The following NFILZ variants were observed in gnomAD, a reference collection of about 807,000 sequenced individuals.
The protein encoded by NFILZ is NFIL3 like protein.
At chr19:8,659,269 A>T (rs909019894) in intron 3 of NFILZ, among the ~76,000 whole-genome samples, 2 of 152,178 alleles carry the variant, frequency 1.3e-5, no homozygotes, top group African/African-American at 2.4e-5. Flanking sequence ...ATTTTTTTTT[A>T]AAAAGAAAGA....
chr19:8,678,072 C>T lies in NFILZ; in HGVS notation c.*437C>T, dbSNP rs2043121898. 3.9e-4 allele frequency among the ~76,000 whole-genome samples: 7 copies of T among 18,108 alleles called. No homozygotes were observed. The highest frequency in any genetic ancestry group is 1.1e-3 in the Admixed American group (2 of 1,880). The allele number at this position is 18,108 out of a possible 152,430, so 11.9% of individuals were successfully genotyped here. ...TCCATCCACCCATCTATTCATCCAT[C>T]CATCAATCCATCCATCCATTCCATC... is the stretch of plus-strand genomic sequence containing the variant. On this transcript the variant is annotated 3_prime_UTR_variant, in exon 6 of 6. Coordinates refer to ENST00000691075, the MANE Select transcript of NFILZ (RefSeq NM_001378600.1).
chr19:8,671,414 T>C (rs1232920502), intron 3 of NFILZ, among the ~76,000 whole-genome samples: 1 of 150,288 alleles, frequency 6.7e-6, no homozygotes, highest in Non-Finnish European at 1.5e-5. Flanking sequence ...GGGGCGGTGG[T>C]TAGGGGGGTT....
chr19:8,656,355 C>CCTGAAGCCCACCTTCTCT (rs2042997172), intron 3 of NFILZ, among the ~76,000 whole-genome samples: 26 of 74,782 alleles, frequency 3.5e-4, no homozygotes, highest in Non-Finnish European at 5.4e-4. Context: ...CCACCTCTTC[C>CCTGAAGCCCACCTTCTCT]CTGAAGCCCA....
intron 3 of NFILZ, among the ~76,000 whole-genome samples, chr19:8,666,051 T>G (rs1465306701): frequency 6.6e-6 from 1 of 151,998 alleles, no homozygotes; most frequent in Non-Finnish European, 1.5e-5. Context: ...TCACCTTTTT[T>G]TTTTTGTCCT....
intron 3 of NFILZ, among the ~76,000 whole-genome samples, chr19:8,657,637 A>C (rs1555748645): frequency 1.3e-5 from 2 of 152,072 alleles, no homozygotes. Flanking sequence ...CTCTCACTGT[A>C]AATCTCTCTC....
intron 3 of NFILZ, among the ~76,000 whole-genome samples, chr19:8,663,333 G>C (rs1017671174): frequency 5.3e-5 from 8 of 151,610 alleles, no homozygotes; most frequent in Admixed American, 4.6e-4. Context: ...AGAAAAAGAG[G>C]AGCAGAGGAC....
intron 3 of NFILZ, among the ~76,000 whole-genome samples, chr19:8,657,240 G>A (rs1394888434): frequency 2.0e-5 from 3 of 151,764 alleles, no homozygotes; most frequent in African/African-American, 7.3e-5. Flanking sequence ...CTGAGTAGCT[G>A]GGGTTACAGG....
chr19:8,669,243 CCA>C (rs1262236690), intron 3 of NFILZ, among the ~76,000 whole-genome samples: 1 of 152,178 alleles, frequency 6.6e-6, no homozygotes, highest in Admixed American at 6.5e-5. Flanking sequence ...CCAAGCCTGG[CCA>C]AGAGAGGATT....
chr19:8,636,969 G>A (rs529001443), intron 3 of NFILZ, among the ~76,000 whole-genome samples: 8 of 152,234 alleles, frequency 5.3e-5, no homozygotes, highest in African/African-American at 1.7e-4. Context: ...GATAGAGCTG[G>A]GGCCAAGGGG....
chr19:8,675,054 T>A (rs781945101), intron 4 of NFILZ, among the ~76,000 whole-genome samples: 1 of 152,160 alleles, frequency 6.6e-6, no homozygotes, highest in Non-Finnish European at 1.5e-5. Context: ...ATTCATTAAG[T>A]CATTAATTCA....
chr19:8,637,289 G>C (rs1356019805), intron 3 of NFILZ, among the ~76,000 whole-genome samples: 1 of 151,954 alleles, frequency 6.6e-6, no homozygotes, highest in East Asian at 1.9e-4. Context: ...AGATTGTAGT[G>C]AGCTGAGATC....
chr19:8,633,005 GA>G lies in NFILZ; in HGVS notation c.-261+382del, dbSNP rs2042877230. On this transcript the variant is annotated intron_variant, in intron 2 of 5. Transcript: ENST00000691075. ...CCCAAAGTGCTGGGATTACAGGCAT[GA>G]ACCACTGCACCTGCCTTTTTTTTTT... is the stretch of plus-strand genomic sequence containing the variant. 2.8e-5 allele frequency among the ~76,000 whole-genome samples: 4 copies of G among 140,766 alleles called. No individual in the cohort carries two copies. The Admixed American group carries it at 2.9e-4, about 10-fold the overall frequency. The allele number at this position is 140,766 out of a possible 152,430, so 92.3% of individuals were successfully genotyped here. A position where few individuals can be genotyped will look rare whatever the true frequency, so the allele number is the denominator to read the frequency against.
intron 3 of NFILZ, among the ~76,000 whole-genome samples, chr19:8,656,497 C>CGAA (rs2043003648): frequency 2.9e-5 from 2 of 68,452 alleles, no homozygotes; most frequent in African/African-American, 6.2e-5. Context: ...CACCTTCTCC[C>CGAA]GCAGCCCACC....
chr19:8,647,908 C>T (rs1305023797), intron 3 of NFILZ, among the ~76,000 whole-genome samples: 2 of 151,354 alleles, frequency 1.3e-5, no homozygotes, highest in Admixed American at 6.6e-5. Flanking sequence ...TGCGGTGGCT[C>T]GTGCCTGTAA....
intron 3 of NFILZ, among the ~76,000 whole-genome samples, chr19:8,671,481 A>C (rs2043086843): frequency 6.6e-6 from 1 of 151,536 alleles, no homozygotes; most frequent in Non-Finnish European, 1.5e-5. Flanking sequence ...ATTTTCCTCT[A>C]TCTCAGTGGT....
chr19:8,657,243 G>C (rs559040983), intron 3 of NFILZ, among the ~76,000 whole-genome samples: 214 of 151,794 alleles, frequency 1.4e-3, no homozygotes, highest in African/African-American at 5.0e-3. Context: ...AGTAGCTGGG[G>C]TTACAGGCAC....
At chr19:8,630,971 C>T (rs2146130675) in intron 1 of NFILZ, among the ~76,000 whole-genome samples, 1 of 152,322 alleles carries the variant, frequency 6.6e-6, no homozygotes, top group South Asian at 2.1e-4. Context: ...TTGCATGGAA[C>T]TGCGGCCAAG....
chr19:8,642,756 G>A (rs2042924178), intron 3 of NFILZ, among the ~76,000 whole-genome samples: 1 of 152,078 alleles, frequency 6.6e-6, no homozygotes, highest in Non-Finnish European at 1.5e-5. Flanking sequence ...GTTTGGTAAT[G>A]TCTGATTGGC....
Position 8,647,778 on chromosome 19 carries a change from T to TGC in NFILZ, c.-164+12049_-164+12050dup, listed in dbSNP as rs147345694. 2.3e-3 allele frequency among the ~76,000 whole-genome samples: 241 copies of TGC among 106,634 alleles called. 2 individuals are homozygous for TGC. Among genetic ancestry groups the TGC allele is most frequent in the East Asian group, 6.3e-3 (21 of 3,318 alleles). 70.0% of individuals were successfully genotyped at this position (106,634 alleles called of 152,430 possible). On this transcript the variant is annotated intron_variant, in intron 3 of 5. Coordinates refer to ENST00000691075, the MANE Select transcript of NFILZ (RefSeq NM_001378600.1). ...ACACACACACACACACACGCACACA[T>TGC]GCGCGCGCGCGCGCGCGCACACACA...
Sources: allele counts gnomAD v4.1 joint callset (sites outside exome capture counted in the v4.1 genomes callset), GRCh38; gene constraint gnomAD v4.1.1; transcripts MANE v1.5; gene names NCBI Gene and HGNC (gene_info 2026-07-23, HGNC 2026-07-21).